The following TOPAZ1 variants were observed in gnomAD, a reference collection of about 807,000 sequenced individuals.
TOPAZ1 encodes protein TOPAZ1.
A neutral mutation model predicts 172.2 loss-of-function variants in TOPAZ1; 66 were observed. The observed-to-expected ratio is 0.38, with a 90% CI of 0.31 to 0.47. The LOEUF (loss-of-function observed/expected upper bound fraction) is 0.47. Among genes scored for constraint, TOPAZ1 ranks in the 20% least tolerant of loss-of-function variants. The probability of loss-of-function intolerance (pLI) is 0.99; values close to 1 mark genes in which losing one functional copy is unlikely to be tolerated. For missense variants in TOPAZ1, 1,822 were observed against 1,972.4 expected, an observed-to-expected ratio of 0.92 and a Z score of 1.44; for synonymous variants, 681 against 683.9, an observed-to-expected ratio of 1.00 and a Z score of 0.07.
rs1342646359 is a variant in TOPAZ1 at position 44,287,460 on chromosome 3, C to A, written c.3508C>A (p.Leu1170Ile). ...CTTTGATTTACAAGTGCTAAATGAC[C>A]TTCTAAATTCTTTACTCAAACATTG... is the stretch of plus-strand genomic sequence containing the variant. ...VYFDLQVLND[L>I]LNSLLKHCLL... The change falls in exon 10 of 20, where the codon CTT becomes ATT. Residue 1170 changes from leucine to isoleucine, a missense_variant. By Grantham distance (5) the Leu-to-Ile change is conservative. Around this residue, in one of 2 missense-constraint regions of TOPAZ1, gnomAD observed 1,489 missense variants for 1,490.8 expected, o/e 1.00. Transcript: ENST00000309765. The A allele has an allele frequency of 6.5e-7, 1 of 1,527,012 alleles. No individual in the cohort carries two copies. The highest frequency in any genetic ancestry group is 8.8e-7 in the Non-Finnish European group (1 of 1,134,422). 94.6% of individuals were successfully genotyped at this position (1,527,012 alleles called of 1,614,324 possible).
At chr3:44,257,416 A>G (rs1415568485) in intron 4 of TOPAZ1, among the ~76,000 whole-genome samples, 5,459 of 90,668 alleles carry the variant, frequency 0.06, 140 homozygotes, top group African/African-American at 0.087. Flanking sequence ...TGTCTATTTT[A>G]TATATTTTAT....
rs543962674 is a variant in TOPAZ1 at position 44,317,848 on chromosome 3, A to G, written c.4307-3179A>G. 7.2e-5 allele frequency among the ~76,000 whole-genome samples: 11 copies of G among 152,358 alleles called. No individual in the cohort carries two copies. The Middle Eastern group carries it at 0.014, about 188-fold the overall frequency. ...TCATGAGTTCTCATAAAATATTCAT[A>G]AAAGTATTTATGTTGGTAGAATTGT... On this transcript the variant is annotated intron_variant, in intron 16 of 19. Transcript: ENST00000309765.
intron 12 of TOPAZ1, among the ~76,000 whole-genome samples, chr3:44,298,907 A>ATATATATT (rs1700232326): frequency 7.4e-5 from 1 of 13,540 alleles, no homozygotes; most frequent in Non-Finnish European, 1.2e-4. Flanking sequence ...ATATATATAT[A>ATATATATT]TATTTTTTTT....
chr3:44,333,397 T>C (rs1700691567), downstream of TOPAZ1, among the ~76,000 whole-genome samples: 2 of 152,106 alleles, frequency 1.3e-5, no homozygotes, highest in South Asian at 4.1e-4. Context: ...GGAAATGAAT[T>C]AGGTTTGGAG....
In TOPAZ1 at chr3:44,242,022, A is replaced by G; in HGVS notation, c.-32A>G. 1 of 1,531,682 alleles carries G rather than the reference A, an allele frequency of 6.5e-7. No individual in the cohort carries two copies. The highest frequency in any genetic ancestry group is 8.8e-7 in the Non-Finnish European group (1 of 1,141,698). 94.9% of individuals were successfully genotyped at this position (1,531,682 alleles called of 1,614,324 possible). On this transcript the variant is annotated 5_prime_UTR_variant, in exon 1 of 20. Transcript: ENST00000309765. Reference sequence around the variant, plus strand: ...GCGGTGGGTTCCTGCGAGCTGGTGCAGAGGGGCCCCAGCGGGCCGGCCCCG... The same window carrying G: ...GCGGTGGGTTCCTGCGAGCTGGTGCGGAGGGGCCCCAGCGGGCCGGCCCCG...
chr3:44,287,106 A>C (rs1233322247), intron 9 of TOPAZ1, among the ~76,000 whole-genome samples: 1 of 152,224 alleles, frequency 6.6e-6, no homozygotes, highest in Non-Finnish European at 1.5e-5. Flanking sequence ...GTAGGAGCTC[A>C]TATTGACGCT....
At chr3:44,274,512 G>A (rs1388188602) in intron 8 of TOPAZ1, among the ~76,000 whole-genome samples, 1 of 151,448 alleles carries the variant, frequency 6.6e-6, no homozygotes, top group Non-Finnish European at 1.5e-5. Flanking sequence ...CAACATGCCA[G>A]GCACAATGCT....
At chr3:44,254,128 G>A (rs985999963) in intron 2 of TOPAZ1, among the ~76,000 whole-genome samples, 1 of 152,108 alleles carries the variant, frequency 6.6e-6, no homozygotes, top group Non-Finnish European at 1.5e-5. Flanking sequence ...TACAGATATG[G>A]TTAAACTTAA....
intron 8 of TOPAZ1, among the ~76,000 whole-genome samples, chr3:44,272,558 C>T (rs1699909734): frequency 6.6e-6 from 1 of 151,992 alleles, no homozygotes; most frequent in Admixed American, 6.6e-5. Flanking sequence ...AATGTTTGTT[C>T]AGCTCTCTTG....
At chr3:44,271,829 T>C (rs1699902339) in intron 8 of TOPAZ1, among the ~76,000 whole-genome samples, 1 of 152,136 alleles carries the variant, frequency 6.6e-6, no homozygotes, top group East Asian at 1.9e-4. Context: ...CTCCATACAA[T>C]AGATATCAAA....
At position 44,303,479 on chromosome 3, in the gene TOPAZ1, CTTTTTTT is replaced by C. The variant is rs34565826; in HGVS notation, c.3798-520_3798-514del. On this transcript the variant is annotated intron_variant, in intron 12 of 19. Coordinates refer to ENST00000309765, the MANE Select transcript of TOPAZ1 (RefSeq NM_001145030.2). The stretch of plus-strand genomic sequence containing the variant: ...TCTGATCTACCCAGATGCTTGCTTG[CTTTTTTT>C]TTTTTTTTTTTTTTTAGCATTTTCA... 9.1e-5 allele frequency among the ~76,000 whole-genome samples: 10 copies of C among 109,938 alleles called. No individual in the cohort carries two copies. The East Asian group carries it at 2.8e-3, about 31-fold the overall frequency. 72.1% of individuals were successfully genotyped at this position (109,938 alleles called of 152,430 possible). A position where few individuals can be genotyped will look rare whatever the true frequency, so the allele number is the denominator to read the frequency against.
chr3:44,309,095 C>T (rs914104206), intron 15 of TOPAZ1, among the ~76,000 whole-genome samples: 1 of 152,112 alleles, frequency 6.6e-6, no homozygotes, highest in African/African-American at 2.4e-5. Context: ...GCCTGCAAAG[C>T]CTAAGCTACT....
Position 44,323,262 on chromosome 3 carries a change from C to A in TOPAZ1, c.4642C>A (p.Arg1548Ser). 1 of 1,549,312 alleles carries A rather than the reference C, an allele frequency of 6.5e-7. No individual in the cohort carries two copies. The highest frequency in any genetic ancestry group is 8.7e-7 in the Non-Finnish European group (1 of 1,145,724). ...ATTAATTACTTCTTTAGGAAGGAGTCGTTTATGGCTCAAAGCCAGAGCCCA... is the reference window on the plus strand; with the variant it reads ...ATTAATTACTTCTTTAGGAAGGAGTAGTTTATGGCTCAAAGCCAGAGCCCA... ...RRLITSLGRSRLWLKARAHYK... is the reference protein window; with the variant it reads ...RRLITSLGRSSLWLKARAHYK... The change falls in exon 18 of 20, where the codon CGT (arginine) becomes AGT (serine). Residue 1548 changes from arginine to serine, a missense_variant. By Grantham distance (110) the Arg-to-Ser change is moderately radical. Coordinates refer to ENST00000309765, the MANE Select transcript of TOPAZ1 (RefSeq NM_001145030.2).
chr3:44,242,929 A>G lies in TOPAZ1; in HGVS notation c.423A>G (p.Ser141=). 6.5e-7 allele frequency: 1 copy of G among 1,549,352 alleles called. No homozygotes were observed. The highest frequency in any genetic ancestry group is 8.7e-7 in the Non-Finnish European group (1 of 1,146,460). Residue 141 remains serine (S), a synonymous_variant, in exon 2 of 20, where the codon TCA becomes TCG. Coordinates refer to ENST00000309765, the MANE Select transcript of TOPAZ1 (RefSeq NM_001145030.2). ...GGCTTGACTTGGTAAGAAAGGAATC[A>G]TTAACCAGTTCGGAATCTTTCCAAA... is the stretch of plus-strand genomic sequence containing the variant. ...QPGLDLVRKE[S]LTSSESFQTV...
At chr3:44,312,231 CAAAA>C (rs1159011578) in intron 16 of TOPAZ1, among the ~76,000 whole-genome samples, 1 of 58,144 alleles carries the variant, frequency 1.7e-5, no homozygotes, top group African/African-American at 6.3e-5. Context: ...ATTGCAAAGC[CAAAA>C]AAAAAAAAAA....
chr3:44,252,686 C>T (rs1224154055), intron 2 of TOPAZ1, among the ~76,000 whole-genome samples: 1 of 152,228 alleles, frequency 6.6e-6, no homozygotes, highest in African/African-American at 2.4e-5. Flanking sequence ...CCGTCAGTCA[C>T]ATCTGAGATA....
downstream of TOPAZ1, among the ~76,000 whole-genome samples, chr3:44,334,424 CTG>C (rs1277881803): frequency 6.6e-6 from 1 of 152,118 alleles, no homozygotes; most frequent in Non-Finnish European, 1.5e-5. Flanking sequence ...CTTTCTTGCT[CTG>C]TGTCATGAAG....
At chr3:44,257,877 A>G (rs1332537393) in intron 4 of TOPAZ1, among the ~76,000 whole-genome samples, 1 of 152,096 alleles carries the variant, frequency 6.6e-6, no homozygotes, top group Non-Finnish European at 1.5e-5. Flanking sequence ...CCCTTATGCT[A>G]CCTCTTAACA....
Position 44,244,151 on chromosome 3 carries a change from C to T in TOPAZ1, c.1645C>T (p.Gln549Ter). ...TTTAACTGACTCCAAATTATTATTA[C>T]AAAGTTCCTTAACAGAAACAAACAC... ...THLTDSKLLL[Q>*]SSLTETNTES... Residue 549 changes from glutamine to a stop codon, truncating the protein, a stop_gained, in exon 2 of 20, where the codon CAA becomes TAA. Coordinates refer to ENST00000309765, the MANE Select transcript of TOPAZ1 (RefSeq NM_001145030.2). LOFTEE classifies it high-confidence loss of function. The T allele has an allele frequency of 6.4e-7, 1 of 1,551,408 alleles. No individual in the cohort carries two copies.
Sources: allele counts gnomAD v4.1 joint callset (sites outside exome capture counted in the v4.1 genomes callset), GRCh38; gene constraint gnomAD v4.1.1; regional missense constraint gnomAD v4.1.1; transcripts MANE v1.5; gene names NCBI Gene and HGNC (gene_info 2026-07-23, HGNC 2026-07-21).